The following EMC3 variants were observed in gnomAD, a reference collection of about 807,000 sequenced individuals.
The protein encoded by EMC3 is 30 kDa protein.
A neutral mutation model predicts 36.6 loss-of-function variants in EMC3; 13 were observed. The observed-to-expected ratio is 0.35, with a 90% CI of 0.23 to 0.56. EMC3 has a LOEUF of 0.56. Among genes scored for constraint, EMC3 ranks in the 20% least tolerant of loss-of-function variants. The probability of loss-of-function intolerance (pLI) is 0.84; values close to 1 mark genes in which losing one functional copy is unlikely to be tolerated. For missense variants in EMC3, 220 were observed against 324.5 expected (o/e 0.68, Z 2.47); for synonymous variants, 120 against 111.9 (o/e 1.07, Z -0.46).
intron 1 of EMC3, among the ~76,000 whole-genome samples, chr3:9,983,471 G>A (rs950074527): frequency 1.7e-4 from 26 of 151,998 alleles, no homozygotes; most frequent in African/African-American, 6.0e-4. Flanking sequence ...TTAAGGAAGC[G>A]TTCTTGGCTG....
In EMC3 at chr3:9,962,922, G is replaced by A. The variant is rs973685642; in HGVS notation, c.*1147C>T. On this transcript the variant is annotated 3_prime_UTR_variant, in exon 8 of 8. Transcript: ENST00000245046. ...TTTGTTCCAAGCAACTGGGAAATGA[G>A]GTCCTTCATCCAAAGGAGTAGCCAT... The A allele has an allele frequency of 5.9e-5, 9 of 152,142 alleles. No individual in the cohort carries two copies. Among genetic ancestry groups the A allele is most frequent in the Admixed American group, 5.9e-4 (9 of 15,262 alleles). The allele number at this position is 152,142 out of a possible 1,614,324, so 9.4% of individuals were successfully genotyped here. A position where few individuals can be genotyped will look rare whatever the true frequency, so the allele number is the denominator to read the frequency against.
In EMC3 at chr3:10,008,698, G is replaced by T. The variant is rs976615087; in HGVS notation, c.-242+2325C>A. The T allele has an allele frequency of 1.7e-5, 6 of 347,728 alleles. No individual in the cohort carries two copies. In the Admixed American group the frequency reaches 2.4e-4, roughly 14 times the overall value. The allele number at this position is 347,728 out of a possible 1,614,324, so 21.5% of individuals were successfully genotyped here. ...AAGATTTGCTGTTTACCCCGTCCCA[G>T]GCTGCCCCGCACCCACATAGCCACT... On this transcript the variant is annotated intron_variant, in intron 1 of 8. Transcript: ENST00000470827.
In EMC3 at chr3:10,007,634, G is replaced by C. The variant is rs773989586; in HGVS notation, c.-242+3389C>G. On this transcript the variant is annotated intron_variant, in intron 1 of 8. Coordinates refer to the EMC3 transcript ENST00000470827. ...GACACAGCAGCAGCCCTGAGGGATG[G>C]AGGGGGTGGTGGGAATGGGGGCTTT... 2.2e-6 allele frequency: 3 copies of C among 1,362,326 alleles called. No individual in the cohort carries two copies. In the East Asian group the frequency reaches 1.4e-4, roughly 62 times the overall value. 84.4% of individuals were successfully genotyped at this position (1,362,326 alleles called of 1,614,324 possible).
At chr3:10,007,516 C>G (rs758815505) in intron 1 of EMC3, 1 of 1,367,622 alleles carries the variant, frequency 7.3e-7, no homozygotes, top group South Asian at 1.1e-5. Context: ...CTTTTGATAA[C>G]AGTGGCATGA....
intron 1 of EMC3, chr3:10,004,955 C>T (rs1034419293): frequency 3.3e-5 from 5 of 152,242 alleles, no homozygotes; most frequent in Admixed American, 1.3e-4. Context: ...TTGGGAGGCA[C>T]CATGGAGCAG....
chr3:9,987,489 G>C (rs1374524169), upstream of EMC3, among the ~76,000 whole-genome samples: 4 of 152,086 alleles, frequency 2.6e-5, no homozygotes, highest in Non-Finnish European at 5.9e-5. Flanking sequence ...CGATGAACTA[G>C]TCCAGGCAGT....
At chr3:9,984,986 C>T (rs1420767513) in intron 1 of EMC3, among the ~76,000 whole-genome samples, 1 of 152,162 alleles carries the variant, frequency 6.6e-6, no homozygotes, top group Admixed American at 6.5e-5. Flanking sequence ...AATGTAAGTA[C>T]TTCACATAGT....
At chr3:9,998,537 T>C (rs930472906) in intron 1 of EMC3, among the ~76,000 whole-genome samples, 3 of 151,796 alleles carry the variant, frequency 2.0e-5, no homozygotes, top group African/African-American at 7.3e-5. Context: ...TCAAGCAGTC[T>C]TCCCTCCTCA....
In EMC3 at chr3:9,986,695, G is replaced by A. The variant is rs138994388; in HGVS notation, c.-34C>T. On this transcript the variant is annotated 5_prime_UTR_variant, in exon 1 of 8. Coordinates refer to ENST00000245046, the MANE Select transcript of EMC3 (RefSeq NM_001394674.1). ...AAAGCTGGTTCCCAGTCTGGAATGG[G>A]CGAGCTTCTCTTCTCCGGGGCACAG... 812 of 1,611,268 alleles carry A rather than the reference G, an allele frequency of 5.0e-4. 4 individuals carry two copies. The African/African-American group carries it at 9.4e-3, about 19-fold the overall frequency.
intron 5 of EMC3, 191 bp downstream of exon 5, chr3:9,973,437 G>A (rs954524576): frequency 5.3e-6 from 3 of 570,136 alleles, no homozygotes; most frequent in Admixed American, 6.0e-5. Flanking sequence ...CTCATCATCT[G>A]CCCACCTCGG....
chr3:9,981,811 G>C (rs1559353117), intron 1 of EMC3: 1 of 405,252 alleles, frequency 2.5e-6, no homozygotes, highest in Non-Finnish European at 4.8e-6. Context: ...AAGAATCAGT[G>C]TTTCTTCCTT....
At chr3:10,008,368 A>G (rs958115864) in intron 1 of EMC3, 2 of 1,362,552 alleles carry the variant, frequency 1.5e-6, no homozygotes, top group African/African-American at 3.0e-5. Flanking sequence ...CCAGGGCAAA[A>G]ACCCACAAAC....
At chr3:10,002,773 C>T (rs55962400) in intron 1 of EMC3, 80,574 of 453,846 alleles carry the variant, frequency 0.18, 7,614 homozygotes, top group South Asian at 0.22. Context: ...AGAAATGTCC[C>T]TGGCTCAACA....
upstream of EMC3, among the ~76,000 whole-genome samples, chr3:9,989,289 G>A (rs1452420184): frequency 1.3e-5 from 2 of 152,156 alleles, no homozygotes; most frequent in Admixed American, 6.5e-5. Context: ...GGTGGCTCAC[G>A]CCTATAATCC....
Position 9,977,466 on chromosome 3 carries a change from C to T in EMC3, c.156-20G>A, listed in dbSNP as rs776568768. On this transcript the variant is annotated intron_variant, in intron 1 of 7. Transcript: ENST00000245046. Reference sequence around the variant, plus strand: ...ACTTGACTGAAAAATACAACCAACACAATGAGATTTTAAAAAGTGAAACAC... The same window carrying T: ...ACTTGACTGAAAAATACAACCAACATAATGAGATTTTAAAAAGTGAAACAC... The T allele has an allele frequency of 1.2e-6, 2 of 1,605,894 alleles. No homozygotes were observed. Among genetic ancestry groups the T allele is most frequent in the East Asian group, 2.2e-5 (1 of 44,776 alleles).
At position 9,980,848 on chromosome 3, in the gene EMC3, C is replaced by CT. The variant is rs2085903761; in HGVS notation, c.156-3403dup. Among the ~76,000 whole-genome samples the CT allele has an allele frequency of 2.0e-5, 3 of 152,300 alleles. No individual in the cohort carries two copies. In the South Asian group the frequency reaches 6.2e-4, roughly 32 times the overall value. The stretch of plus-strand genomic sequence containing the variant: ...AGCAGGGTCGTGACCTTGTCTTACA[C>CT]TGTACCCCACAGCATGCAGCAGAGT... On this transcript the variant is annotated intron_variant, in intron 1 of 7. Coordinates refer to ENST00000245046, the MANE Select transcript of EMC3 (RefSeq NM_001394674.1).
At chr3:9,997,615 A>G (rs1323556033) in intron 1 of EMC3, among the ~76,000 whole-genome samples, 1 of 151,934 alleles carries the variant, frequency 6.6e-6, no homozygotes, top group African/African-American at 2.4e-5. Context: ...GTGCACCACC[A>G]CACCCAGCTA....
chr3:9,965,915 G>C (rs2085732506), intron 7 of EMC3, among the ~76,000 whole-genome samples: 1 of 152,064 alleles, frequency 6.6e-6, no homozygotes, highest in South Asian at 2.1e-4. Context: ...TCATTCATTA[G>C]ATGATGGACA....
chr3:10,003,127 C>T lies in EMC3; in HGVS notation c.-242+7896G>A, dbSNP rs758577614. On this transcript the variant is annotated intron_variant, in intron 1 of 8. Coordinates refer to the EMC3 transcript ENST00000470827. ...TGCAGACCCAGAAACCTCTGGCTCACCACCTCCCCAGCAACACCCTGTGGC... is the reference window on the plus strand; with the variant it reads ...TGCAGACCCAGAAACCTCTGGCTCATCACCTCCCCAGCAACACCCTGTGGC... 10 of 456,732 alleles carry T rather than the reference C, an allele frequency of 2.2e-5. 1 individual carries two copies. Among genetic ancestry groups the T allele is most frequent in the South Asian group, 1.5e-4 (10 of 64,576 alleles). 28.3% of individuals were successfully genotyped at this position (456,732 alleles called of 1,614,324 possible).
Sources: gnomAD v4.1 joint callset for allele counts (sites outside exome capture counted in the v4.1 genomes callset) on GRCh38, gnomAD v4.1.1 for gene constraint, MANE v1.5 for transcripts, NCBI Gene and HGNC (gene_info 2026-07-23, HGNC 2026-07-21) for gene names.